Variants in TIAM2 observed in about 807,000 individuals in gnomAD.
TIAM2 encodes the protein rho guanine nucleotide exchange factor TIAM2.
In TIAM2, 80 loss-of-function variants were observed where a neutral mutation model predicts 152.9. The ratio of observed to expected loss-of-function variants is 0.52; its 90% CI spans 0.44 to 0.63. TIAM2 has a LOEUF of 0.63. Among genes scored for constraint, TIAM2 ranks in the 30% least tolerant of loss-of-function variants. The probability of loss-of-function intolerance (pLI) is 0.00; values close to 1 mark genes in which losing one functional copy is unlikely to be tolerated. For synonymous variants in TIAM2, 804 were observed against 838.0 expected, an observed-to-expected ratio of 0.96 and a Z score of 0.70; for missense variants, 1,965 against 2,120.1, an observed-to-expected ratio of 0.93 and a Z score of 1.44.
chr6:155,253,940 T>TG, intron 24 of TIAM2, 33 bp from the exon 25 acceptor site: 2 of 1,580,270 alleles, frequency 1.3e-6, no homozygotes, highest in Non-Finnish European at 1.7e-6. Flanking sequence ...TGGGCAAAGT[T>TG]GTAGACTCTT....
In TIAM2 at chr6:155,254,055, T is replaced by C; in HGVS notation, c.4308T>C (p.Cys1436=). ...EGRPETIFQL[C]CSDSESKTNI... is the part of the protein sequence containing the mutation. ...GGCCAGAAACCATCTTTCAGTTGTGTTGCAGGTATGACTGACTTCCAAAGA... is the reference window on the plus strand; with the variant it reads ...GGCCAGAAACCATCTTTCAGTTGTGCTGCAGGTATGACTGACTTCCAAAGA... Residue 1436 remains cysteine, a synonymous_variant, in exon 25 of 27, where the codon TGT becomes TGC. Coordinates refer to ENST00000682666, the MANE Select transcript of TIAM2 (RefSeq NM_012454.4). The C allele has an allele frequency of 6.2e-7, 1 of 1,613,996 alleles. No individual in the cohort carries two copies. Among genetic ancestry groups the C allele is most frequent in the East Asian group, 2.2e-5 (1 of 44,882 alleles).
chr6:155,147,577 C>A (rs1452510028), intron 6 of TIAM2, among the ~76,000 whole-genome samples: 1 of 152,154 alleles, frequency 6.6e-6, no homozygotes, highest in Non-Finnish European at 1.5e-5. Context: ...CCTCCGCCTC[C>A]CAGGTCAAAG....
chr6:155,141,965 A>G (rs1011286337), intron 5 of TIAM2, among the ~76,000 whole-genome samples: 1 of 152,220 alleles, frequency 6.6e-6, no homozygotes, highest in Non-Finnish European at 1.5e-5. Context: ...CCATAGCAAG[A>G]ACGTCCAGTG....
Position 155,160,714 on chromosome 6 carries a change from A to G in TIAM2, c.2029-3701A>G, listed in dbSNP as rs1335057704. ...AAGCAGAGGTTGCAGTGAGCCAACA[A>G]TGTACCACTGCATCCCCAGCTGGGG... On this transcript the variant is annotated intron_variant, in intron 7 of 26. Transcript: ENST00000682666. 2.0e-5 allele frequency among the ~76,000 whole-genome samples: 3 copies of G among 152,146 alleles called. No individual in the cohort carries two copies. In the East Asian group the frequency reaches 5.8e-4, roughly 29 times the overall value.
intron 1 of TIAM2, among the ~76,000 whole-genome samples, chr6:155,007,389 CTT>C (rs35138795): frequency 2.1e-5 from 3 of 143,752 alleles, no homozygotes; most frequent in Non-Finnish European, 4.6e-5. Context: ...TTCTTTCTTT[CTT>C]TTTTTTTTTT....
In TIAM2 at chr6:155,129,438, A is replaced by G. The variant is rs758268860; in HGVS notation, c.215A>G (p.Gln72Arg). 8 of 1,614,024 alleles carry G rather than the reference A, an allele frequency of 5.0e-6. No individual in the cohort carries two copies. ...RSCLSHFKSN[Q>R]PYASRLGGPT... ...TGCCTTTCTCACTTTAAGAGTAACC[A>G]GCCTTACGCATCGAGACTCGGTGGC... Residue 72 changes from glutamine to arginine, a missense_variant, in exon 4 of 27, where the codon CAG becomes CGG. By Grantham distance (43) the Gln-to-Arg change is conservative. Coordinates refer to ENST00000682666, the MANE Select transcript of TIAM2 (RefSeq NM_012454.4). This position sits in a 1 kb window ranked among gnomAD's most constrained non-coding sequence, Gnocchi z 4.8.
Position 155,256,694 on chromosome 6 carries a change from A to G in TIAM2, c.4679A>G (p.Asn1560Ser), listed in dbSNP as rs1047219116. ...PHPGLADFAD[N>S]LIKESDILSD... Reference sequence around the variant, plus strand: ...CCCGGCTTGGCAGATTTTGCCGACAATCTCATCAAAGAGAGTGACATCCTG... The same window carrying G: ...CCCGGCTTGGCAGATTTTGCCGACAGTCTCATCAAAGAGAGTGACATCCTG... The change falls in exon 27 of 27, where the codon AAT (asparagine) becomes AGT (serine). Residue 1560 changes from asparagine to serine, a missense_variant. This residue lies in a region of TIAM2 where 935 missense variants were observed against 980.0 expected (regional missense o/e 0.95). Transcript: ENST00000682666. 25 of 1,614,068 alleles carry G rather than the reference A, an allele frequency of 1.5e-5. No individual in the cohort carries two copies. The highest frequency in any genetic ancestry group is 6.7e-5 in the African/African-American group (5 of 74,910).
At chr6:155,236,571 G>C (rs966083845) in intron 15 of TIAM2, among the ~76,000 whole-genome samples, 1 of 152,168 alleles carries the variant, frequency 6.6e-6, no homozygotes, top group Non-Finnish European at 1.5e-5. Context: ...GCTGAGGCAG[G>C]AGAATTGCTT....
chr6:155,140,129 G>A (rs1462681486), intron 5 of TIAM2, among the ~76,000 whole-genome samples: 2 of 152,202 alleles, frequency 1.3e-5, no homozygotes, highest in African/African-American at 2.4e-5. Flanking sequence ...CCTTAGAAAT[G>A]CTATATCTCT....
chr6:155,185,094 G>A (rs1781004621), intron 14 of TIAM2, among the ~76,000 whole-genome samples: 2 of 143,904 alleles, frequency 1.4e-5, no homozygotes, highest in African/African-American at 5.1e-5. Flanking sequence ...ATGAATTCCT[G>A]TAGAAAGTAG....
At chr6:154,997,098 T>C (rs778045028) in intron 1 of TIAM2, among the ~76,000 whole-genome samples, 5 of 152,174 alleles carry the variant, frequency 3.3e-5, no homozygotes, top group Admixed American at 3.3e-4. Context: ...GCTTGCACAC[T>C]GCCTGCTCTA....
At chr6:155,070,641 T>A (rs1777819328) in intron 1 of TIAM2, among the ~76,000 whole-genome samples, 1 of 152,220 alleles carries the variant, frequency 6.6e-6, no homozygotes, top group South Asian at 2.1e-4. Context: ...TTAAGGCAGT[T>A]CCTCAGGAAT....
At chr6:155,114,274 C>A (rs943898122) in intron 2 of TIAM2, among the ~76,000 whole-genome samples, 2 of 151,536 alleles carry the variant, frequency 1.3e-5, no homozygotes, top group African/African-American at 4.9e-5. Flanking sequence ...AGGCTGGTCT[C>A]AAATTCCTAA....
At position 155,215,720 on chromosome 6, in the gene TIAM2, A is replaced by T. The variant is rs1317225944; in HGVS notation, c.3168+4413A>T. ...TGTTCCGTGGTTTTTTTAAAAAAAA[A>T]TTTTAAATTTTTTTTTTTTTTTTGG... On this transcript the variant is annotated intron_variant, in intron 15 of 26. Transcript: ENST00000682666. Among the ~76,000 whole-genome samples the T allele has an allele frequency of 1.4e-4, 19 of 135,134 alleles. 1 individual carries two copies. Among genetic ancestry groups the T allele is most frequent in the South Asian group, 5.2e-4 (2 of 3,814 alleles). 88.7% of individuals were successfully genotyped at this position (135,134 alleles called of 152,430 possible).
chr6:155,243,186 G>A (rs1316005398), intron 16 of TIAM2, among the ~76,000 whole-genome samples: 1 of 152,154 alleles, frequency 6.6e-6, no homozygotes, highest in Non-Finnish European at 1.5e-5. Flanking sequence ...CAGCTCTGTG[G>A]GAGTTTTTTA....
intron 2 of TIAM2, among the ~76,000 whole-genome samples, chr6:155,120,318 A>C (rs1219697206): frequency 6.6e-6 from 1 of 152,238 alleles, no homozygotes. Context: ...ATGAAAGCTT[A>C]GCTTCTGAGG....
At chr6:155,054,566 AGTTTTGTTTT>A (rs1203608796) in intron 1 of TIAM2, among the ~76,000 whole-genome samples, 1 of 123,374 alleles carries the variant, frequency 8.1e-6, no homozygotes, top group Admixed American at 7.6e-5. Context: ...AGAAGTACAG[AGTTTTGTTTT>A]GTTTTGTTTT....
intron 1 of TIAM2, among the ~76,000 whole-genome samples, chr6:154,997,070 G>A (rs1778226115): frequency 6.6e-6 from 1 of 152,058 alleles, no homozygotes; most frequent in African/African-American, 2.4e-5. Context: ...CTTTCCCCAG[G>A]CCTCCTGGCT....
chr6:155,037,288 C>A (rs924706562), intron 1 of TIAM2, among the ~76,000 whole-genome samples: 2 of 152,148 alleles, frequency 1.3e-5, no homozygotes, highest in Non-Finnish European at 2.9e-5. Flanking sequence ...AAGTTGGCAG[C>A]ATAACTAGCG....
Sources: allele counts gnomAD v4.1 joint callset (sites outside exome capture counted in the v4.1 genomes callset), GRCh38; gene constraint gnomAD v4.1.1; regional missense constraint gnomAD v4.1.1; non-coding constraint Gnocchi (gnomAD v3.1); transcripts MANE v1.5; gene names NCBI Gene and HGNC (gene_info 2026-07-23, HGNC 2026-07-21).